The following CRHBP variants were observed in gnomAD, a reference collection of about 807,000 sequenced individuals.
CRHBP encodes corticotropin-releasing hormone-binding protein.
CRHBP carries 19 observed loss-of-function variants against 34.9 expected under a neutral mutation model. The observed-to-expected ratio is 0.55, with a 90% confidence interval of 0.38 to 0.80. CRHBP has a LOEUF of 0.80. Among genes scored for constraint, CRHBP ranks in the 30% least tolerant of loss-of-function variants. CRHBP has a pLI of 0.00. For missense variants in CRHBP, 328 were observed against 409.2 expected (o/e 0.80, Z 1.71); for synonymous variants, 154 against 153.4 (o/e 1.00, Z -0.03).
intron 2 of CRHBP, among the ~76,000 whole-genome samples, chr5:76,975,803 C>CAAAAAAA (rs1158363151): frequency 7.7e-4 from 27 of 35,224 alleles, no homozygotes; most frequent in African/African-American, 9.0e-4. Flanking sequence ...GACTCTGTCT[C>CAAAAAAA]AAAAAAAAAA....
At chr5:76,963,302 T>C (rs994588529) in intron 5 of CRHBP, 41 bp from the exon 6 acceptor site, 5 of 1,562,214 alleles carry the variant, frequency 3.2e-6, no homozygotes, top group East Asian at 4.5e-5. Context: ...ACTTCTGTAA[T>C]TGGTTTAAAT....
chr5:76,958,683 A>AT, intron 4 of CRHBP, 58 bp from the exon 5 acceptor site: 4 of 1,556,844 alleles, frequency 2.6e-6, no homozygotes. Context: ...ATAAATGTCT[A>AT]TAAAAACCTA....
chr5:76,953,661 C>T lies in CRHBP; in HGVS notation c.142C>T (p.Leu48=). 3 of 1,610,314 alleles carry T rather than the reference C, an allele frequency of 1.9e-6. No homozygotes were observed. The highest frequency in any genetic ancestry group is 2.5e-6 in the Non-Finnish European group (3 of 1,178,812). The stretch of plus-strand genomic sequence containing the variant: ...CTTCAGCGCCAACCTGAAGCGGGAG[C>T]TGGCTGGGGAGCAGCCGTACCGCCG... ...LLFSANLKRE[L]AGEQPYRRAL... is the part of the protein sequence containing the mutation. The change falls in exon 2 of 7, where the codon CTG becomes TTG. Residue 48 remains leucine (L), a synonymous_variant. Transcript: ENST00000274368.
rs1745610364 is a variant in CRHBP at position 76,953,634 on chromosome 5, C to G, written c.115C>G (p.Leu39Val). The G allele has an allele frequency of 6.2e-7, 1 of 1,612,742 alleles. No homozygotes were observed. Among genetic ancestry groups the G allele is most frequent in the Non-Finnish European group, 8.5e-7 (1 of 1,179,560 alleles). Residue 39 changes from leucine (L) to valine (V), a missense_variant, in exon 2 of 7, where the codon CTC (leucine) becomes GTC (valine). This residue lies in a region of CRHBP where 173 missense variants were observed against 172.2 expected (regional missense o/e 1.00). Coordinates refer to ENST00000274368, the MANE Select transcript of CRHBP (RefSeq NM_001882.4). ...AGCGGCGGACTACGATCCTTTCCTG[C>G]TCTTCAGCGCCAACCTGAAGCGGGA... ...REAADYDPFL[L>V]FSANLKRELA...
intron 2 of CRHBP, 49 bp downstream of exon 2, chr5:76,953,743 G>T: frequency 1.3e-6 from 2 of 1,537,758 alleles, no homozygotes; most frequent in East Asian, 4.8e-5. Flanking sequence ...CGGGGAAGGT[G>T]GGACTCTGTG....
chr5:76,959,817 T>C (rs1745747810), intron 5 of CRHBP, among the ~76,000 whole-genome samples: 1 of 152,222 alleles, frequency 6.6e-6, no homozygotes, highest in Admixed American at 6.5e-5. Flanking sequence ...TGGCTTGATA[T>C]TATTTGTATG....
chr5:76,959,327 A>C (rs913933679), intron 5 of CRHBP, among the ~76,000 whole-genome samples: 1 of 152,264 alleles, frequency 6.6e-6, no homozygotes, highest in African/African-American at 2.4e-5. Context: ...AAGGAGTGCT[A>C]ACTGTAGCAT....
At chr5:76,957,412 A>G (rs1384289418) in intron 4 of CRHBP, among the ~76,000 whole-genome samples, 2 of 152,302 alleles carry the variant, frequency 1.3e-5, no homozygotes, top group East Asian at 1.9e-4. Flanking sequence ...TTTGAGACGG[A>G]GTGTTGCTCT....
intron 6 of CRHBP, among the ~76,000 whole-genome samples, chr5:76,965,848 G>A (rs1255838484): frequency 1.3e-5 from 2 of 152,120 alleles, no homozygotes; most frequent in Admixed American, 6.5e-5. Flanking sequence ...GGTTCTTGGC[G>A]TTTTGAACAA....
chr5:76,956,930 A>T (rs1273529981), intron 4 of CRHBP, among the ~76,000 whole-genome samples: 1 of 152,178 alleles, frequency 6.6e-6, no homozygotes. Context: ...CTAGTTCTGA[A>T]AAAACAAAAG....
At chr5:76,953,758 G>C (rs555024123) in intron 2 of CRHBP, 64 bp downstream of exon 2, 2 of 1,477,202 alleles carry the variant, frequency 1.4e-6, no homozygotes, top group African/African-American at 1.4e-5. Context: ...TCTGTGCGGG[G>C]GGCAGAGGGC....
At chr5:76,978,090 T>C (rs1442438031) in intron 3 of CRHBP, among the ~76,000 whole-genome samples, 1 of 152,148 alleles carries the variant, frequency 6.6e-6, no homozygotes, top group South Asian at 2.1e-4. Context: ...CGAAGAAAAG[T>C]TGGAAGCTAG....
intron 5 of CRHBP, among the ~76,000 whole-genome samples, chr5:76,961,792 C>A (rs574335543): frequency 6.6e-6 from 1 of 152,096 alleles, no homozygotes; most frequent in Middle Eastern, 3.2e-3. Context: ...CTCACTCTGT[C>A]GCCCAGGCTG....
At chr5:76,978,385 A>G (rs1215117218) in intron 3 of CRHBP, among the ~76,000 whole-genome samples, 1 of 152,206 alleles carries the variant, frequency 6.6e-6, no homozygotes, top group Non-Finnish European at 1.5e-5. Context: ...AGCCAAGCTC[A>G]TGTACCATTC....
intron 3 of CRHBP, among the ~76,000 whole-genome samples, chr5:76,979,992 C>T (rs1746093262): frequency 6.7e-6 from 1 of 148,788 alleles, no homozygotes; most frequent in African/African-American, 2.5e-5. Context: ...TGGCTCACGC[C>T]TGTAATGCCA....
chr5:76,975,838 A>C (rs1366501142), intron 2 of CRHBP, among the ~76,000 whole-genome samples: 7 of 99,684 alleles, frequency 7.0e-5, no homozygotes, highest in African/African-American at 3.9e-4. Context: ...ATATATATAT[A>C]TATATATACA....
chr5:76,965,532 G>A (rs1478275144), intron 6 of CRHBP, among the ~76,000 whole-genome samples: 1 of 152,184 alleles, frequency 6.6e-6, no homozygotes, highest in Non-Finnish European at 1.5e-5. Flanking sequence ...GTACTTCCAT[G>A]CTCATGATTG....
At chr5:76,962,871 GAAGAA>G (rs1454483145) in intron 5 of CRHBP, among the ~76,000 whole-genome samples, 1 of 152,040 alleles carries the variant, frequency 6.6e-6, no homozygotes, top group Non-Finnish European at 1.5e-5. Flanking sequence ...TTACAAAGAA[GAAGAA>G]AAGAGATGAG....
In CRHBP at chr5:76,968,787, G is replaced by A. The variant is rs377198989; in HGVS notation, c.871G>A (p.Val291Ile). 1.7e-5 allele frequency: 27 copies of A among 1,614,156 alleles called. No individual in the cohort carries two copies. Among genetic ancestry groups the A allele is most frequent in the African/African-American group, 5.3e-5 (4 of 75,048 alleles). Reference sequence around the variant, plus strand: ...GCGCATGGTCTCCAGTGGAAAACACGTAAATCGTGTGACTTTTGAGTATCG... The same window carrying A: ...GCGCATGGTCTCCAGTGGAAAACACATAAATCGTGTGACTTTTGAGTATCG... ...VVRMVSSGKH[V>I]NRVTFEYRQL... Residue 291 changes from valine to isoleucine, a missense_variant, in exon 7 of 7, where the codon GTA becomes ATA. Transcript: ENST00000274368.
Sources: allele counts gnomAD v4.1 joint callset (sites outside exome capture counted in the v4.1 genomes callset), GRCh38; gene constraint gnomAD v4.1.1; regional missense constraint gnomAD v4.1.1; transcripts MANE v1.5; gene names NCBI Gene and HGNC (gene_info 2026-07-23, HGNC 2026-07-21).